The following TET3 variants were observed in gnomAD, a reference collection of about 807,000 sequenced individuals.
TET3 encodes the protein methylcytosine dioxygenase TET3.
TET3 carries 19 observed loss-of-function variants against 141.4 expected under a neutral mutation model. That is an observed-to-expected ratio of 0.13 (90% CI 0.09 to 0.20). TET3 has a LOEUF of 0.20. TET3 is among the 10% of genes least tolerant of loss of function. The pLI, the probability that TET3 is intolerant of heterozygous loss-of-function variation, is 1.00. For synonymous variants in TET3, 1,043 were observed against 980.9 expected (o/e 1.06, Z -1.18); for missense variants, 1,874 against 2,356.9 (o/e 0.80, Z 4.24).
chr2:74,125,357 G>A, the TET3 span, among the ~76,000 whole-genome samples: 1 of 152,182 alleles, frequency 6.6e-6, no homozygotes, highest in African/African-American at 2.4e-5. Context: ...CAAAAGCCTG[G>A]CTGGATGGAT....
intron 7 of TET3, 24 bp downstream of exon 7, chr2:74,088,062 C>T: frequency 2.6e-6 from 4 of 1,549,654 alleles, no homozygotes; most frequent in Non-Finnish European, 3.5e-6. Context: ...GGCTTCAGGG[C>T]CAGGGCCCAC....
chr2:74,094,780 C>G (rs1373471223), intron 10 of TET3, among the ~76,000 whole-genome samples: 2 of 152,112 alleles, frequency 1.3e-5, no homozygotes, highest in East Asian at 3.9e-4. Flanking sequence ...AGGCTTTTTG[C>G]TTCAGCATCT....
chr2:74,026,354 T>C (rs1686357192), intron 3 of TET3, among the ~76,000 whole-genome samples: 1 of 152,098 alleles, frequency 6.6e-6, no homozygotes, highest in Admixed American at 6.5e-5. Flanking sequence ...TTAACACCCC[T>C]GTCACCCCCC....
intron 2 of TET3, among the ~76,000 whole-genome samples, chr2:73,991,481 T>C (rs1392050521): frequency 6.6e-6 from 1 of 152,022 alleles, no homozygotes; most frequent in East Asian, 1.9e-4. Context: ...TCCTGAGGAT[T>C]GGACAGATGA....
downstream of TET3, chr2:74,108,287 CCTCA>C (rs1399716089): frequency 6.5e-6 from 1 of 153,782 alleles, no homozygotes; most frequent in Non-Finnish European, 1.5e-5. Flanking sequence ...CAAATGAAGC[CCTCA>C]CTAATAGCAG....
chr2:73,987,103 G>A (rs924485044), intron 2 of TET3, among the ~76,000 whole-genome samples: 1 of 152,210 alleles, frequency 6.6e-6, no homozygotes, highest in African/African-American at 2.4e-5. Flanking sequence ...TGGAGACAAA[G>A]TTTTGGATTG....
At chr2:74,055,547 G>A (rs1348144258) in intron 4 of TET3, among the ~76,000 whole-genome samples, 3 of 152,172 alleles carry the variant, frequency 2.0e-5, no homozygotes, top group African/African-American at 4.8e-5. Flanking sequence ...GTCATTGACT[G>A]TCATTAAAGT....
At position 74,027,992 on chromosome 2, in the gene TET3, T is replaced by C. The variant is rs186065992; in HGVS notation, c.361-18286T>C. Among the ~76,000 whole-genome samples, 42 of 151,244 alleles carry C rather than the reference T, an allele frequency of 2.8e-4. No homozygotes were observed. In the East Asian group the frequency reaches 7.1e-3, roughly 26 times the overall value. On this transcript the variant is annotated intron_variant, in intron 3 of 11. Transcript: ENST00000409262. ...TTCCCATTGTGTGGGTTTTTTTCAC[T>C]TTTTTTTTAAGAGGCAGGGTCTTAC...
chr2:74,004,884 A>C (rs1329089675), intron 3 of TET3, among the ~76,000 whole-genome samples: 1 of 152,134 alleles, frequency 6.6e-6, no homozygotes, highest in Non-Finnish European at 1.5e-5. Context: ...GGGTGTGGGC[A>C]CAGAGATCGT....
Position 74,087,883 on chromosome 2 carries a change from G to A in TET3, c.2733G>A (p.Arg911=). Residue 911 remains arginine (R), a synonymous_variant, in exon 7 of 12, where the codon CGG becomes CGA. Coordinates refer to ENST00000409262, the MANE Select transcript of TET3 (RefSeq NM_001287491.2). This position sits in a 1 kb window ranked among gnomAD's most constrained non-coding sequence, Gnocchi z 4.3. ...EEKLLCLVRH[R]AGHHCQNAVI... The stretch of plus-strand genomic sequence containing the variant: ...AGCTACTCTGCCTGGTGCGGCACCG[G>A]GCAGGCCACCACTGCCAGAACGCTG... The A allele has an allele frequency of 1.9e-6, 3 of 1,551,710 alleles. No individual in the cohort carries two copies. The highest frequency in any genetic ancestry group is 2.6e-6 in the Non-Finnish European group (3 of 1,147,018).
At chr2:74,023,867 T>A (rs1225194856) in intron 3 of TET3, among the ~76,000 whole-genome samples, 1 of 151,834 alleles carries the variant, frequency 6.6e-6, no homozygotes, top group Non-Finnish European at 1.5e-5. Flanking sequence ...TTTGTTTTAT[T>A]GGTTTTCAGG....
chr2:74,050,661 C>T (rs1465877224), intron 4 of TET3, among the ~76,000 whole-genome samples: 1 of 152,038 alleles, frequency 6.6e-6, no homozygotes, highest in Non-Finnish European at 1.5e-5. Flanking sequence ...GCAATCCTCC[C>T]ACCTCAGTCT....
chr2:74,101,005 A>C lies in TET3; in HGVS notation c.4217A>C (p.Gln1406Pro). 6.2e-7 allele frequency: 1 copy of C among 1,613,060 alleles called. No homozygotes were observed. Among genetic ancestry groups the C allele is most frequent in the Non-Finnish European group, 8.5e-7 (1 of 1,179,564 alleles). The change falls in exon 12 of 12, where the codon CAG becomes CCG. Residue 1406 changes from glutamine (Q) to proline (P), a missense_variant. By Grantham distance (76) the Gln-to-Pro change is moderately conservative (BLOSUM62 -1). Coordinates refer to ENST00000409262, the MANE Select transcript of TET3 (RefSeq NM_001287491.2). This position sits in a 1 kb window ranked among gnomAD's most constrained non-coding sequence, Gnocchi z 8.5. ...CAAGAGCCAGTAGACCCGCTGACCC[A>C]GGCTGAGCCTGTGCCCAGAGACGCT... ...IKQEPVDPLTQAEPVPRDAGK... is the reference protein window; with the variant it reads ...IKQEPVDPLTPAEPVPRDAGK...
intron 3 of TET3, among the ~76,000 whole-genome samples, chr2:74,031,370 T>C (rs1686679177): frequency 6.6e-6 from 1 of 152,104 alleles, no homozygotes; most frequent in South Asian, 2.1e-4. Flanking sequence ...TCACCCCGAC[T>C]CTCAGAAACA....
intron 4 of TET3, 93 bp downstream of exon 4, chr2:74,048,504 T>G: frequency 7.5e-7 from 1 of 1,340,642 alleles, no homozygotes; most frequent in Non-Finnish European, 1.0e-6. Context: ...TGGCAAACAT[T>G]TATTTGTGCC....
chr2:73,994,895 C>A (rs1021627866), intron 2 of TET3, among the ~76,000 whole-genome samples: 55 of 151,872 alleles, frequency 3.6e-4, no homozygotes, highest in Middle Eastern at 3.2e-3. Flanking sequence ...CCTTAGCCTC[C>A]CAAAGCACTG....
intron 3 of TET3, among the ~76,000 whole-genome samples, chr2:74,024,122 T>C (rs1686212622): frequency 6.6e-6 from 1 of 152,260 alleles, no homozygotes; most frequent in African/African-American, 2.4e-5. Context: ...GTGTGTGACT[T>C]TATTTTTTTC....
At chr2:74,096,240 C>G (rs1452704654) in intron 10 of TET3, among the ~76,000 whole-genome samples, 1 of 152,076 alleles carries the variant, frequency 6.6e-6, no homozygotes, top group African/African-American at 2.4e-5. Context: ...CCAGTCCAAC[C>G]CAGAAAGTAC....
the TET3 span, chr2:74,122,509 A>ATTTTTTTT: frequency 1.0e-4 from 8 of 76,234 alleles, no homozygotes; most frequent in Non-Finnish European, 1.9e-4. Context: ...ATATATATAT[A>ATTTTTTTT]TATTTTTTTT....
Sources: gnomAD v4.1 joint callset for allele counts (sites outside exome capture counted in the v4.1 genomes callset) on GRCh38, gnomAD v4.1.1 for gene constraint, Gnocchi (gnomAD v3.1) non-coding constraint, MANE v1.5 for transcripts, NCBI Gene and HGNC (gene_info 2026-07-23, HGNC 2026-07-21) for gene names.